Variants in NTAN1 observed in about 807,000 individuals in gnomAD.
NTAN1 encodes the protein N-terminal asparagine amidase.
Under a neutral mutation model 41.9 loss-of-function variants are expected in NTAN1, and 32 were observed. That is an observed-to-expected ratio of 0.76 (90% CI 0.58 to 1.03). The LOEUF (loss-of-function observed/expected upper bound fraction) is 1.03, where lower values mean the gene tolerates loss of function less well. Among genes scored for constraint, NTAN1 ranks in the 50% least tolerant of loss-of-function variants. The pLI is 0.00. For synonymous variants in NTAN1, 140 were observed against 139.5 expected (o/e 1.00, Z -0.03); for missense variants, 377 against 377.5 (o/e 1.00, Z 0.01).
At chr16:15,043,811 G>C (rs1280863897) in intron 5 of NTAN1, among the ~76,000 whole-genome samples, 1 of 152,048 alleles carries the variant, frequency 6.6e-6, no homozygotes, top group Non-Finnish European at 1.5e-5. Context: ...AGGTGGGTGT[G>C]GTGGCGCACG....
chr16:15,046,015 A>G (rs1020327844), intron 4 of NTAN1: 2 of 152,304 alleles, frequency 1.3e-5, no homozygotes, highest in Non-Finnish European at 2.9e-5. Flanking sequence ...GAGCGATCAC[A>G]GTTCTACAAC....
intron 4 of NTAN1, chr16:15,045,068 G>C (rs1423805333): frequency 1.3e-5 from 2 of 150,174 alleles, no homozygotes; most frequent in Non-Finnish European, 2.9e-5. Context: ...AGGTTGCAGT[G>C]AGTCAAGATC....
Position 15,038,081 on chromosome 16 carries a change from T to C in NTAN1, c.883A>G (p.Lys295Glu). The change falls in exon 10 of 10, where the codon AAA (lysine) becomes GAA (glutamate). Residue 295 changes from lysine (K) to glutamate (E), a missense_variant. Coordinates refer to ENST00000287706, the MANE Select transcript of NTAN1 (RefSeq NM_173474.4). ...TCCCACAAGCCATCTTCATTTTTTT[T>C]GTAGAGTAGGGCTTTATTTCCAGAA... ...LFSGNKALLY[K>E]KNEDGLWEKI... 1.2e-6 allele frequency: 2 copies of C among 1,612,488 alleles called. No homozygotes were observed. Among genetic ancestry groups the C allele is most frequent in the South Asian group, 2.2e-5 (2 of 90,852 alleles).
At chr16:15,043,168 G>A (rs1374889021) in intron 5 of NTAN1, among the ~76,000 whole-genome samples, 2 of 152,036 alleles carry the variant, frequency 1.3e-5, no homozygotes, top group African/African-American at 2.4e-5. Flanking sequence ...CCAAAGTGCT[G>A]GGATTACAGG....
rs1009255016 is a variant in NTAN1, at chr16:15,040,156, G to C, written c.542-90C>G. ...TACATTTCTACCACCACTCCTAAGA[G>C]AAAGATAGGAAAGTGAACAGAATGG... On this transcript the variant is annotated intron_variant, in intron 7 of 9. Transcript: ENST00000287706. 36 of 684,898 alleles carry C rather than the reference G, an allele frequency of 5.3e-5. No homozygotes were observed. The African/African-American group carries it at 6.0e-4, about 11-fold the overall frequency. 42.4% of individuals were successfully genotyped at this position (684,898 alleles called of 1,614,324 possible). A position where few individuals can be genotyped will look rare whatever the true frequency, so the allele number is the denominator to read the frequency against.
intron 8 of NTAN1, 21 bp from the exon 9 acceptor site, chr16:15,038,708 G>A (rs2043663612): frequency 7.3e-7 from 1 of 1,375,360 alleles, no homozygotes; most frequent in South Asian, 1.2e-5. Flanking sequence ...ACGTGTCAAG[G>A]ATAGAATTTC....
At chr16:15,055,157 A>G (rs2044454452) in intron 1 of NTAN1, among the ~76,000 whole-genome samples, 1 of 152,210 alleles carries the variant, frequency 6.6e-6, no homozygotes, top group African/African-American at 2.4e-5. Flanking sequence ...TATGGCAAAT[A>G]GGACGTCTGC....
chr16:15,044,629 C>T (rs2043971279), intron 4 of NTAN1: 6 of 579,850 alleles, frequency 1.0e-5, no homozygotes, highest in East Asian at 8.5e-5. Flanking sequence ...TGAGGGGATC[C>T]GTATCTGAAC....
At chr16:15,039,708 C>T (rs2151685656) in intron 8 of NTAN1, among the ~76,000 whole-genome samples, 1 of 152,256 alleles carries the variant, frequency 6.6e-6, no homozygotes, top group Non-Finnish European at 1.5e-5. Flanking sequence ...GAAGTTTGTT[C>T]TCTTTGAATT....
chr16:15,041,212 T>G, intron 6 of NTAN1, 91 bp from the exon 7 acceptor site: 5 of 881,252 alleles, frequency 5.7e-6, no homozygotes, highest in South Asian at 5.4e-5. Flanking sequence ...GAGGAGCTCC[T>G]CGATGCAGAA....
rs2044121662 is a variant in NTAN1, at chr16:15,047,472, T to C, written c.329A>G (p.Lys110Arg). 6.2e-7 allele frequency: 1 copy of C among 1,613,096 alleles called. No individual in the cohort carries two copies. Among genetic ancestry groups the C allele is most frequent in the African/African-American group, 1.3e-5 (1 of 74,964 alleles). Residue 110 changes from lysine (K) to arginine (R), a missense_variant, in exon 4 of 10, where the codon AAA becomes AGA. Physicochemically the swap from Lys to Arg is conservative, Grantham distance 26. Coordinates refer to ENST00000287706, the MANE Select transcript of NTAN1 (RefSeq NM_173474.4). ...ACATTGAGCGTGGTCAGAAAAGGAT[T>C]TTATGGAGTTCATGATCAAGGGGAC... ...AEVPLIMNSI[K>R]SFSDHAQCGR...
At chr16:15,044,102 C>G (rs1268344640) in intron 5 of NTAN1, among the ~76,000 whole-genome samples, 1 of 152,118 alleles carries the variant, frequency 6.6e-6, no homozygotes, top group Non-Finnish European at 1.5e-5. Context: ...GGAATGTGTT[C>G]ACTGCTGTTT....
At chr16:15,049,370 C>A (rs2044209451) in intron 1 of NTAN1, among the ~76,000 whole-genome samples, 2 of 152,120 alleles carry the variant, frequency 1.3e-5, no homozygotes, top group South Asian at 4.1e-4. Context: ...AATTTCACTT[C>A]TGGAAATCTG....
At chr16:15,049,830 T>C (rs968305765) in intron 1 of NTAN1, among the ~76,000 whole-genome samples, 2 of 152,120 alleles carry the variant, frequency 1.3e-5, no homozygotes, top group African/African-American at 2.4e-5. Context: ...TCATGAGAAA[T>C]GAAAACTATG....
intron 9 of NTAN1, 54 bp downstream of exon 9, chr16:15,038,520 A>C: frequency 2.0e-6 from 2 of 1,011,100 alleles, no homozygotes; most frequent in Non-Finnish European, 3.0e-6. Context: ...TTTCTTACAG[A>C]TGGGGAAACC....
chr16:15,049,629 T>C (rs1398805480), intron 1 of NTAN1, among the ~76,000 whole-genome samples: 1 of 151,024 alleles, frequency 6.6e-6, no homozygotes, highest in Non-Finnish European at 1.5e-5. Context: ...TTTCGCCATG[T>C]TGGCCACACT....
At chr16:15,039,782 AAAG>A (rs2043725796) in intron 8 of NTAN1, among the ~76,000 whole-genome samples, 184 bp downstream of exon 8, 1 of 152,188 alleles carries the variant, frequency 6.6e-6, no homozygotes. Context: ...CTGATGACCT[AAAG>A]ATGTTCATTA....
chr16:15,047,810 T>C (rs1467166201), intron 3 of NTAN1, 45 bp downstream of exon 3: 1 of 1,462,240 alleles, frequency 6.8e-7, no homozygotes, highest in African/African-American at 1.4e-5. Flanking sequence ...GTCCCAAAGG[T>C]TGGGTCAGTT....
At chr16:15,046,314 A>G (rs556241263) in intron 4 of NTAN1, among the ~76,000 whole-genome samples, 1 of 152,320 alleles carries the variant, frequency 6.6e-6, no homozygotes, top group South Asian at 2.1e-4. Context: ...GGAGTAGTTC[A>G]CTCAATGGCT....
Sources: allele counts gnomAD v4.1 joint callset (sites outside exome capture counted in the v4.1 genomes callset), GRCh38; gene constraint gnomAD v4.1.1; transcripts MANE v1.5; gene names NCBI Gene and HGNC (gene_info 2026-07-23, HGNC 2026-07-21).